The following EXOC6B variants were observed in gnomAD, a reference collection of about 807,000 sequenced individuals.
EXOC6B encodes SEC15 homolog B.
A neutral mutation model predicts 113.5 loss-of-function variants in EXOC6B; 54 were observed. That is an observed-to-expected ratio of 0.48 (90% confidence interval 0.38 to 0.60). EXOC6B has a LOEUF of 0.60. EXOC6B is among the 20% of genes least tolerant of loss of function. The pLI, the probability that EXOC6B is intolerant of heterozygous loss-of-function variation, is 0.00. For missense variants in EXOC6B, 797 were observed against 977.5 expected, an observed-to-expected ratio of 0.82 and a Z score of 2.46; for synonymous variants, 357 against 339.0, an observed-to-expected ratio of 1.05 and a Z score of -0.58.
intron 6 of EXOC6B, among the ~76,000 whole-genome samples, chr2:72,602,570 T>C (rs1670497664): frequency 6.6e-6 from 1 of 152,222 alleles, no homozygotes; most frequent in Non-Finnish European, 1.5e-5. Flanking sequence ...CTATAATAGA[T>C]GGCTTATATA....
chr2:72,440,354 T>C (rs903834569), intron 18 of EXOC6B, among the ~76,000 whole-genome samples: 3 of 152,160 alleles, frequency 2.0e-5, no homozygotes, highest in African/African-American at 7.2e-5. Flanking sequence ...GAAACTCTCA[T>C]TGGAAACCCT....
intron 16 of EXOC6B, among the ~76,000 whole-genome samples, chr2:72,482,742 C>CA: frequency 6.6e-6 from 1 of 152,208 alleles, no homozygotes; most frequent in East Asian, 1.9e-4. Flanking sequence ...ACTTCATTCT[C>CA]AAAAAATACA....
intron 8 of EXOC6B, among the ~76,000 whole-genome samples, chr2:72,519,242 T>A (rs868418883): frequency 6.6e-6 from 1 of 152,206 alleles, no homozygotes; most frequent in East Asian, 1.9e-4. Context: ...AGTTTTCATA[T>A]TGTAAACGGG....
intron 18 of EXOC6B, among the ~76,000 whole-genome samples, chr2:72,439,882 T>C (rs1056885588): frequency 2.0e-5 from 3 of 152,236 alleles, no homozygotes; most frequent in Non-Finnish European, 4.4e-5. Context: ...TTCAGATTGC[T>C]GACCTTTGGA....
At chr2:72,408,002 G>T (rs552380373) in intron 18 of EXOC6B, among the ~76,000 whole-genome samples, 2 of 152,224 alleles carry the variant, frequency 1.3e-5, no homozygotes, top group East Asian at 3.9e-4. Flanking sequence ...AAGCTGATAG[G>T]CAACTTCAGC....
intron 20 of EXOC6B, among the ~76,000 whole-genome samples, chr2:72,291,266 T>C (rs1290135114): frequency 3.9e-5 from 6 of 152,340 alleles, no homozygotes; most frequent in Middle Eastern, 3.4e-3. Flanking sequence ...CTGTCTCTTC[T>C]GCATGATGAG....
chr2:72,349,221 A>G (rs1173104313), intron 19 of EXOC6B, among the ~76,000 whole-genome samples: 1 of 152,172 alleles, frequency 6.6e-6, no homozygotes, highest in Non-Finnish European at 1.5e-5. Context: ...CTGTGATATA[A>G]TAAGGAATAT....
chr2:72,387,716 T>G (rs952880977), intron 18 of EXOC6B, among the ~76,000 whole-genome samples: 1 of 152,170 alleles, frequency 6.6e-6, no homozygotes, highest in Non-Finnish European at 1.5e-5. Flanking sequence ...TTTTCATCCC[T>G]GACATTAATA....
intron 6 of EXOC6B, among the ~76,000 whole-genome samples, chr2:72,701,388 G>A (rs1043716365): frequency 1.3e-5 from 2 of 149,970 alleles, no homozygotes; most frequent in African/African-American, 2.4e-5. Flanking sequence ...AATTCCACCT[G>A]GGATTTCAAA....
At chr2:72,769,661 A>C (rs1683297455) in intron 1 of EXOC6B, among the ~76,000 whole-genome samples, 2 of 152,086 alleles carry the variant, frequency 1.3e-5, no homozygotes, top group South Asian at 4.1e-4. Context: ...AAAATACAAA[A>C]ATTAGCCGGG....
intron 18 of EXOC6B, among the ~76,000 whole-genome samples, chr2:72,423,780 CAT>C: frequency 1.3e-5 from 2 of 152,236 alleles, no homozygotes; most frequent in East Asian, 1.9e-4. Context: ...TGCACACACA[CAT>C]GAACACACAC....
chr2:72,543,920 T>A (rs1289292441), intron 8 of EXOC6B, among the ~76,000 whole-genome samples: 1 of 152,168 alleles, frequency 6.6e-6, no homozygotes, highest in Admixed American at 6.5e-5. Flanking sequence ...CAGGGCAAAC[T>A]TTCCACATTA....
intron 6 of EXOC6B, among the ~76,000 whole-genome samples, chr2:72,611,454 AAAT>A (rs1671069660): frequency 6.6e-6 from 1 of 152,132 alleles, no homozygotes; most frequent in African/African-American, 2.4e-5. Flanking sequence ...CATGATAACT[AAAT>A]AATGTGCTAC....
intron 20 of EXOC6B, among the ~76,000 whole-genome samples, chr2:72,254,279 G>C (rs1683210052): frequency 6.6e-6 from 1 of 152,184 alleles, no homozygotes; most frequent in Non-Finnish European, 1.5e-5. Flanking sequence ...CCCAATGATG[G>C]GTATCCTTAA....
At chr2:72,648,102 A>G (rs906914367) in intron 6 of EXOC6B, among the ~76,000 whole-genome samples, 4 of 152,236 alleles carry the variant, frequency 2.6e-5, no homozygotes, top group Non-Finnish European at 5.9e-5. Flanking sequence ...AAATAATCCC[A>G]TCAAAAAGTG....
At chr2:72,702,972 G>C (rs1678546530) in intron 6 of EXOC6B, among the ~76,000 whole-genome samples, 1 of 151,796 alleles carries the variant, frequency 6.6e-6, no homozygotes, top group African/African-American at 2.4e-5. Context: ...ATTGCCTTTG[G>C]TGTTTTAGAC....
intron 20 of EXOC6B, among the ~76,000 whole-genome samples, chr2:72,220,580 G>C (rs1003575620): frequency 6.6e-5 from 10 of 152,000 alleles, no homozygotes; most frequent in African/African-American, 2.2e-4. Flanking sequence ...GGATCTTCAG[G>C]CTATATATTT....
Position 72,590,212 on chromosome 2 carries a change from C to T in EXOC6B, c.670-14544G>A, listed in dbSNP as rs539562642. On this transcript the variant is annotated intron_variant, in intron 6 of 21. Coordinates refer to ENST00000272427, the MANE Select transcript of EXOC6B (RefSeq NM_015189.3). ...AGACAACTTATCATAGACAAAAACT[C>T]CATACAAAGAAATTTTGATTATGAT... is the stretch of plus-strand genomic sequence containing the variant. Among the ~76,000 whole-genome samples, 15 of 151,918 alleles carry T rather than the reference C, an allele frequency of 9.9e-5. 1 individual carries two copies. In the South Asian group the frequency reaches 3.1e-3, roughly 32 times the overall value.
chr2:72,468,105 T>C (rs1474988072), intron 17 of EXOC6B, among the ~76,000 whole-genome samples: 1 of 152,142 alleles, frequency 6.6e-6, no homozygotes, highest in Non-Finnish European at 1.5e-5. Context: ...CTTCAACTGT[T>C]GATTGTTTTC....
Sources: gnomAD v4.1 joint callset for allele counts (sites outside exome capture counted in the v4.1 genomes callset) on GRCh38, gnomAD v4.1.1 for gene constraint, MANE v1.5 for transcripts, NCBI Gene and HGNC (gene_info 2026-07-23, HGNC 2026-07-21) for gene names.